The following RGS8 variants were observed in gnomAD, a reference collection of about 807,000 sequenced individuals.
The protein encoded by RGS8 is regulator of G-protein signaling 8.
RGS8 carries 8 observed loss-of-function variants against 21.7 expected under a neutral mutation model. The observed-to-expected ratio is 0.37, with a 90% CI of 0.22 to 0.66. RGS8 has a LOEUF of 0.66. RGS8 is among the 30% of genes least tolerant of loss of function. The probability of loss-of-function intolerance (pLI) is 0.59; values close to 1 mark genes in which losing one functional copy is unlikely to be tolerated. For synonymous variants in RGS8, 80 were observed against 83.6 expected (o/e 0.96, Z 0.24); for missense variants, 157 against 217.9 (o/e 0.72, Z 1.76).
At chr1:182,738,411 C>T in the RGS8 span, among the ~76,000 whole-genome samples, 5 of 151,968 alleles carry the variant, frequency 3.3e-5, no homozygotes, top group African/African-American at 1.2e-4. Context: ...AAATAGTAGC[C>T]TATATAATTT....
the RGS8 span, among the ~76,000 whole-genome samples, chr1:182,703,466 C>T: frequency 2.6e-5 from 4 of 152,182 alleles, no homozygotes; most frequent in Non-Finnish European, 4.4e-5. Context: ...GCATAGACCT[C>T]GGCTAAGAAA....
chr1:182,643,914 G>C (rs1662588498), downstream of RGS8: 1 of 152,302 alleles, frequency 6.6e-6, no homozygotes, highest in South Asian at 2.1e-4. Flanking sequence ...GACTTGCCTG[G>C]ACTTGCCCTG....
the RGS8 span, among the ~76,000 whole-genome samples, chr1:182,693,128 G>T: frequency 6.6e-6 from 1 of 152,166 alleles, no homozygotes; most frequent in South Asian, 2.1e-4. Context: ...ATAGACAAGT[G>T]AGGCCTAATT....
chr1:182,713,625 C>G, the RGS8 span, among the ~76,000 whole-genome samples: 500 of 152,294 alleles, frequency 3.3e-3, 4 homozygotes, highest in African/African-American at 0.011. Flanking sequence ...TAACTGACCC[C>G]TGGACCACTT....
intron 6 of RGS8, among the ~76,000 whole-genome samples, chr1:182,647,700 C>CT (rs145143926): frequency 0.042 from 6,338 of 152,204 alleles, 221 homozygotes; most frequent in East Asian, 0.13. Flanking sequence ...AGTAGGTACG[C>CT]TTTTACATTG....
At chr1:182,688,266 A>G (rs140942492), upstream of RGS8, among the ~76,000 whole-genome samples, 925 of 152,340 alleles carry the variant, frequency 6.1e-3, 8 homozygotes, top group African/African-American at 0.021. Flanking sequence ...CTGAGAGCAG[A>G]GGCTATAACT....
At chr1:182,663,182 G>A (rs541875414) in intron 5 of RGS8, among the ~76,000 whole-genome samples, 2 of 152,138 alleles carry the variant, frequency 1.3e-5, no homozygotes, top group Non-Finnish European at 2.9e-5. Flanking sequence ...ACGAGCACAC[G>A]TGCAATCCCT....
At chr1:182,726,536 G>A in the RGS8 span, among the ~76,000 whole-genome samples, 8,033 of 152,194 alleles carry the variant, frequency 0.053, 255 homozygotes, top group Middle Eastern at 0.075. Flanking sequence ...CGAGCATGGT[G>A]GTGCATGCCT....
At chr1:182,642,688 C>A (rs368109368), downstream of RGS8, 2 of 152,212 alleles carry the variant, frequency 1.3e-5, no homozygotes, top group Admixed American at 6.5e-5. Context: ...CCGCAGCCTG[C>A]GCAGAACACT....
At chr1:182,727,294 C>T in the RGS8 span, among the ~76,000 whole-genome samples, 5 of 152,154 alleles carry the variant, frequency 3.3e-5, no homozygotes, top group African/African-American at 1.2e-4. Flanking sequence ...AATAGCCAGA[C>T]CTCATGGGAC....
the RGS8 span, among the ~76,000 whole-genome samples, chr1:182,722,376 A>C: frequency 1.3e-5 from 2 of 151,432 alleles, no homozygotes; most frequent in Admixed American, 6.6e-5. Flanking sequence ...AAAAAAAAAA[A>C]AAAAAAAAAA....
intron 2 of RGS8, among the ~76,000 whole-genome samples, chr1:182,671,159 C>T (rs931189484): frequency 2.0e-5 from 3 of 152,206 alleles, no homozygotes; most frequent in Non-Finnish European, 2.9e-5. Flanking sequence ...GTTCAGTTGC[C>T]TGTCTCTCTC....
chr1:182,695,666 A>T, the RGS8 span, among the ~76,000 whole-genome samples: 1 of 152,178 alleles, frequency 6.6e-6, no homozygotes, highest in Non-Finnish European at 1.5e-5. Context: ...CCTCCAACCC[A>T]GGCTAATACC....
intron 1 of RGS8, among the ~76,000 whole-genome samples, chr1:182,678,099 T>C (rs1664428633): frequency 6.6e-6 from 1 of 152,236 alleles, no homozygotes; most frequent in Admixed American, 6.5e-5. Context: ...TATTTTTTAG[T>C]GCAATTTTGA....
chr1:182,654,538 G>C (rs1663173184), intron 5 of RGS8, among the ~76,000 whole-genome samples: 1 of 152,220 alleles, frequency 6.6e-6, no homozygotes, highest in Non-Finnish European at 1.5e-5. Context: ...AAACACATGA[G>C]ATAAAGTCAC....
At chr1:182,746,147 G>A in the RGS8 span, among the ~76,000 whole-genome samples, 195 of 152,160 alleles carry the variant, frequency 1.3e-3, 1 homozygote, top group African/African-American at 4.3e-3. Flanking sequence ...TTACAACTTG[G>A]TTTTCAGACC....
At chr1:182,659,528 G>T (rs577133966) in intron 5 of RGS8, among the ~76,000 whole-genome samples, 1 of 152,258 alleles carries the variant, frequency 6.6e-6, no homozygotes, top group East Asian at 1.9e-4. Context: ...GTGAAACCTT[G>T]TCTCTACTAA....
At chr1:182,722,850 C>T in the RGS8 span, among the ~76,000 whole-genome samples, 1 of 151,898 alleles carries the variant, frequency 6.6e-6, no homozygotes, top group African/African-American at 2.4e-5. Context: ...TGGTTGCGGG[C>T]GCCTGTAGTC....
intron 6 of RGS8, among the ~76,000 whole-genome samples, chr1:182,647,409 T>C (rs1662754077): frequency 6.6e-6 from 1 of 152,212 alleles, no homozygotes; most frequent in African/African-American, 2.4e-5. Flanking sequence ...AAAGGGCCTG[T>C]AGCATCCTAG....
Sources: gnomAD v4.1 joint callset for allele counts (sites outside exome capture counted in the v4.1 genomes callset) on GRCh38, gnomAD v4.1.1 for gene constraint, MANE v1.5 for transcripts, NCBI Gene and HGNC (gene_info 2026-07-23, HGNC 2026-07-21) for gene names.